RFC3: variants seen among roughly 807,000 people sequenced by gnomAD.
RFC3 encodes A1 38 kDa subunit.
In RFC3, 41 loss-of-function variants were observed where a neutral mutation model predicts 45.1. The observed-to-expected ratio is 0.91, with a 90% CI of 0.71 to 1.18. The LOEUF (loss-of-function observed/expected upper bound fraction) is 1.18. RFC3 is among the 50% of genes most tolerant of loss of function. The pLI, the probability that RFC3 is intolerant of heterozygous loss-of-function variation, is 0.00. For missense variants in RFC3, 423 were observed against 428.1 expected (o/e 0.99, Z 0.10); for synonymous variants, 149 against 144.0 (o/e 1.03, Z -0.25).
At chr13:33,942,138 G>T (rs2082928336) in intron 8 of RFC3, among the ~76,000 whole-genome samples, 1 of 151,822 alleles carries the variant, frequency 6.6e-6, no homozygotes, top group Non-Finnish European at 1.5e-5. Flanking sequence ...GTGTGTGTTT[G>T]ATAAATCTAA....
chr13:33,911,844 A>G (rs2082705344), intron 8 of RFC3, among the ~76,000 whole-genome samples: 1 of 152,082 alleles, frequency 6.6e-6, no homozygotes, highest in Admixed American at 6.6e-5. Flanking sequence ...CCACCTCCCA[A>G]TACCATTATA....
chr13:33,923,155 G>A (rs935370563), intron 8 of RFC3, among the ~76,000 whole-genome samples: 2 of 152,070 alleles, frequency 1.3e-5, no homozygotes, highest in African/African-American at 2.4e-5. Flanking sequence ...AACCCTTGAT[G>A]TGTATTCTTT....
intron 8 of RFC3, among the ~76,000 whole-genome samples, chr13:33,893,432 C>A (rs779723874): frequency 2.0e-4 from 30 of 152,062 alleles, no homozygotes; most frequent in Non-Finnish European, 2.4e-4. Flanking sequence ...AAATAAATAA[C>A]TAACTCTTTA....
chr13:33,867,101 C>T (rs1221679858), intron 8 of RFC3, among the ~76,000 whole-genome samples: 1 of 152,200 alleles, frequency 6.6e-6, no homozygotes. Flanking sequence ...CAAGGCAATG[C>T]TAATACTCTT....
intron 8 of RFC3, among the ~76,000 whole-genome samples, chr13:33,900,138 A>C (rs2082630476): frequency 6.6e-6 from 1 of 152,080 alleles, no homozygotes; most frequent in Non-Finnish European, 1.5e-5. Flanking sequence ...AATCCCTATC[A>C]AAACGCCAAT....
intron 8 of RFC3, among the ~76,000 whole-genome samples, chr13:33,934,833 CTT>C (rs2082876069): frequency 6.6e-6 from 1 of 152,140 alleles, no homozygotes; most frequent in Non-Finnish European, 1.5e-5. Context: ...ATAAGCGTCT[CTT>C]CTGAGCCTGG....
At chr13:33,833,575 A>C (rs576773179) in intron 7 of RFC3, among the ~76,000 whole-genome samples, 1 of 152,188 alleles carries the variant, frequency 6.6e-6, no homozygotes, top group South Asian at 2.1e-4. Flanking sequence ...TTAGAAGTTA[A>C]CTCAAGACTA....
At chr13:33,951,303 G>C (rs2082989628) in intron 8 of RFC3, among the ~76,000 whole-genome samples, 1 of 151,042 alleles carries the variant, frequency 6.6e-6, no homozygotes, top group African/African-American at 2.4e-5. Context: ...CGCGATCTCG[G>C]GTCACTGCAA....
intron 8 of RFC3, among the ~76,000 whole-genome samples, chr13:33,958,115 C>T (rs769635438): frequency 8.5e-5 from 13 of 152,056 alleles, no homozygotes; most frequent in African/African-American, 1.2e-4. Context: ...CCATGGATAG[C>T]GAGATCAGAG....
chr13:33,822,504 T>C (rs1261225699), intron 2 of RFC3, among the ~76,000 whole-genome samples: 4 of 152,198 alleles, frequency 2.6e-5, no homozygotes, highest in South Asian at 4.1e-4. Flanking sequence ...GTAAATCATA[T>C]TGTATGTCTA....
intron 8 of RFC3, among the ~76,000 whole-genome samples, chr13:33,902,285 C>T (rs2082646304): frequency 6.6e-6 from 1 of 152,042 alleles, no homozygotes; most frequent in African/African-American, 2.4e-5. Flanking sequence ...AAGTGTCTGC[C>T]TGCCATAGTT....
chr13:33,929,895 C>G (rs1461088256), intron 8 of RFC3, among the ~76,000 whole-genome samples: 1 of 151,902 alleles, frequency 6.6e-6, no homozygotes, highest in Non-Finnish European at 1.5e-5. Context: ...GAACAGAGAC[C>G]CGGAATAAAT....
chr13:33,875,034 C>CG (rs2082437392), intron 8 of RFC3, among the ~76,000 whole-genome samples: 1 of 152,194 alleles, frequency 6.6e-6, no homozygotes, highest in South Asian at 2.1e-4. Context: ...ATTTACCCGG[C>CG]GTCTTCCAAA....
chr13:33,888,459 C>G (rs2082541169), intron 8 of RFC3, among the ~76,000 whole-genome samples: 1 of 149,218 alleles, frequency 6.7e-6, no homozygotes, highest in South Asian at 2.1e-4. Flanking sequence ...TATTGAATTG[C>G]AGTTAAATAT....
At chr13:33,914,120 T>C (rs2082719201) in intron 8 of RFC3, among the ~76,000 whole-genome samples, 1 of 152,040 alleles carries the variant, frequency 6.6e-6, no homozygotes, top group Admixed American at 6.6e-5. Context: ...TTAAGGCGGT[T>C]CATGGTCAAT....
At chr13:33,973,313 G>A in the RFC3 span, among the ~76,000 whole-genome samples, 4 of 152,230 alleles carry the variant, frequency 2.6e-5, no homozygotes, top group Non-Finnish European at 4.4e-5. Flanking sequence ...TAGCTCACCA[G>A]AGAGAGCCTT....
chr13:33,836,947 G>C lies in RFC3; in HGVS notation c.*652G>C. 1.0e-6 allele frequency: 1 copy of C among 984,238 alleles called. No homozygotes were observed. Among genetic ancestry groups the C allele is most frequent in the Non-Finnish European group, 1.2e-6 (1 of 829,282 alleles). The allele number at this position is 984,238 out of a possible 1,614,324, so 61.0% of individuals were successfully genotyped here. On this transcript the variant is annotated 3_prime_UTR_variant, in exon 9 of 9. Transcript: ENST00000380071. Reference sequence around the variant, plus strand: ...ATTCAGAATGAAGTTCTGGAGAAAGGTATGTTACTGTAGTAATTACTCTTT... The same window carrying C: ...ATTCAGAATGAAGTTCTGGAGAAAGCTATGTTACTGTAGTAATTACTCTTT...
At chr13:33,933,691 C>A (rs1281913655) in intron 8 of RFC3, among the ~76,000 whole-genome samples, 1 of 150,790 alleles carries the variant, frequency 6.6e-6, no homozygotes, top group African/African-American at 2.4e-5. Flanking sequence ...ACTTTTTTTC[C>A]CCTCTCCTAT....
At position 33,818,317 on chromosome 13, in the gene RFC3, G is replaced by C. The variant is rs1393812001; in HGVS notation, c.87+52G>C. ...GGAGAGGGGAGGCCCCCCGGCTCGGGGTTTCGCGCCCCCCTGAGGAGCAGT... is the reference window on the plus strand; with the variant it reads ...GGAGAGGGGAGGCCCCCCGGCTCGGCGTTTCGCGCCCCCCTGAGGAGCAGT... On this transcript the variant is annotated intron_variant, in intron 1 of 8. Coordinates refer to ENST00000380071, the MANE Select transcript of RFC3 (RefSeq NM_002915.4). 3.3e-6 allele frequency: 5 copies of C among 1,496,934 alleles called. No homozygotes were observed. The East Asian group carries it at 6.8e-5, about 20-fold the overall frequency. 92.7% of individuals were successfully genotyped at this position (1,496,934 alleles called of 1,614,324 possible).
Sources: allele counts gnomAD v4.1 joint callset (sites outside exome capture counted in the v4.1 genomes callset), GRCh38; gene constraint gnomAD v4.1.1; transcripts MANE v1.5; gene names NCBI Gene and HGNC (gene_info 2026-07-23, HGNC 2026-07-21).